RERE: variants seen among roughly 807,000 people sequenced by gnomAD.
RERE encodes arginine-glutamic acid dipeptide repeats, also known as arginine-glutamic acid dipeptide repeats protein.
In RERE, 40 loss-of-function variants were observed where a neutral mutation model predicts 146.1. That is an observed-to-expected ratio of 0.27 (90% CI 0.21 to 0.36). RERE has a LOEUF of 0.36. RERE is among the 10% of genes least tolerant of loss of function. The pLI is 1.00. For missense variants in RERE, 1,933 were observed against 2,138.7 expected (o/e 0.90, Z 1.90); for synonymous variants, 1,003 against 866.0 (o/e 1.16, Z -2.78).
chr1:8,369,565 G>C (rs1234542690), intron 12 of RERE, among the ~76,000 whole-genome samples: 3 of 146,590 alleles, frequency 2.0e-5, no homozygotes, highest in Non-Finnish European at 4.5e-5. Flanking sequence ...CAGGCAGGAA[G>C]GACTGTCCTC....
chr1:8,466,111 T>A, intron 10 of RERE, 88 bp from the exon 11 acceptor site: 1 of 1,088,538 alleles, frequency 9.2e-7, no homozygotes, highest in Non-Finnish European at 1.3e-6. Context: ...ATTGACTATC[T>A]CCCACAGAAG....
chr1:8,368,878 T>C (rs569501424), intron 12 of RERE, among the ~76,000 whole-genome samples: 18 of 148,432 alleles, frequency 1.2e-4, no homozygotes, highest in African/African-American at 4.5e-4. Flanking sequence ...CTGGGCAACA[T>C]AGTGAGATTT....
intron 11 of RERE, among the ~76,000 whole-genome samples, chr1:8,447,257 G>T (rs1644334570): frequency 1.3e-5 from 2 of 151,710 alleles, no homozygotes; most frequent in South Asian, 2.1e-4. Flanking sequence ...TTAGCTCGGA[G>T]GAGTTTGTTA....
rs542649011 is a variant in RERE at position 8,443,505 on chromosome 1, A to C, written c.1204-20698T>G. 5.9e-5 allele frequency among the ~76,000 whole-genome samples: 9 copies of C among 152,148 alleles called. No homozygotes were observed. The East Asian group carries it at 1.7e-3, about 29-fold the overall frequency. On this transcript the variant is annotated intron_variant, in intron 11 of 22. Transcript: ENST00000400908. ...GAAAGAAAAGCTTTCTCAGGAGAGA[A>C]ATTCAGGCAGGCTGTAAAGCAATCA...
intron 7 of RERE, among the ~76,000 whole-genome samples, chr1:8,527,662 T>A (rs942600402): frequency 1.3e-5 from 2 of 152,206 alleles, no homozygotes; most frequent in African/African-American, 4.8e-5. Flanking sequence ...GGCCTTCCCC[T>A]GTGATAATGG....
chr1:8,645,024 C>T (rs1159438114), intron 2 of RERE, among the ~76,000 whole-genome samples: 6 of 152,188 alleles, frequency 3.9e-5, no homozygotes, highest in African/African-American at 1.4e-4. Flanking sequence ...TACCATTTTA[C>T]AAACCAGCTG....
At position 8,686,624 on chromosome 1, in the gene RERE, C is replaced by T. The variant is rs559997255; in HGVS notation, c.-144-30183G>A. Among the ~76,000 whole-genome samples the T allele has an allele frequency of 5.3e-5, 8 of 152,246 alleles. No homozygotes were observed. The East Asian group carries it at 1.5e-3, about 29-fold the overall frequency. On this transcript the variant is annotated intron_variant, in intron 1 of 22. Coordinates refer to ENST00000400908, the MANE Select transcript of RERE (RefSeq NM_001042681.2). Reference sequence around the variant, plus strand: ...AATTAGCTGGGTGTGGTGGTGGGTGCCTGTAATCTCAGCTACTTGGGAGGC... The same window carrying T: ...AATTAGCTGGGTGTGGTGGTGGGTGTCTGTAATCTCAGCTACTTGGGAGGC...
intron 8 of RERE, among the ~76,000 whole-genome samples, chr1:8,500,233 G>C (rs1645111929): frequency 6.6e-6 from 1 of 152,182 alleles, no homozygotes; most frequent in African/African-American, 2.4e-5. Flanking sequence ...GTACAGTACT[G>C]GGTACAGCAG....
In RERE at chr1:8,497,520, G is replaced by T; in HGVS notation, c.889C>A (p.Pro297Thr). 1 of 1,614,152 alleles carries T rather than the reference G, an allele frequency of 6.2e-7. No individual in the cohort carries two copies. Among genetic ancestry groups the T allele is most frequent in the Admixed American group, 1.7e-5 (1 of 60,022 alleles). Residue 297 changes from proline to threonine, a missense_variant, in exon 9 of 23, where the codon CCA becomes ACA. Physicochemically the swap from Pro to Thr is conservative, Grantham distance 38. This residue lies in a region of RERE where 260 missense variants were observed against 378.4 expected (regional missense o/e 0.69). Coordinates refer to ENST00000400908, the MANE Select transcript of RERE (RefSeq NM_001042681.2). ...RVGPSHQAKLPDLQPFPSPDG... is the reference protein window; with the variant it reads ...RVGPSHQAKLTDLQPFPSPDG... ...GGAGAAGGAAATGGTTGCAGATCTG[G>T]AAGTTTGGCCTGTAAGACAGGGATG...
rs1243875587 is a variant in RERE at position 8,541,206 on chromosome 1, T to A, written c.830+8A>T. 6.9e-7 allele frequency: 1 copy of A among 1,445,694 alleles called. No homozygotes were observed. The highest frequency in any genetic ancestry group is 9.7e-7 in the Non-Finnish European group (1 of 1,031,640). The allele number at this position is 1,445,694 out of a possible 1,614,324, so 89.6% of individuals were successfully genotyped here. A position where few individuals can be genotyped will look rare whatever the true frequency, so the allele number is the denominator to read the frequency against. On this transcript the variant is annotated splice_region_variant and intron_variant, in intron 7 of 22. Coordinates refer to ENST00000400908, the MANE Select transcript of RERE (RefSeq NM_001042681.2). ...TTCTCAATGAATGGACACAAGTGAC[T>A]CACTTACCTTGTCTCAGGGTTATAT...
chr1:8,731,267 G>C lies in RERE; in HGVS notation c.-144-74826C>G, dbSNP rs1640073325. Among the ~76,000 whole-genome samples the C allele has an allele frequency of 3.3e-5, 5 of 152,110 alleles. No individual in the cohort carries two copies. In the South Asian group the frequency reaches 1.0e-3, roughly 32 times the overall value. ...CAGGAGCCTGAACAGGTTCTTACAA[G>C]AACATCAAAGAAAAAAATCCCCTCG... is the stretch of plus-strand genomic sequence containing the variant. On this transcript the variant is annotated intron_variant, in intron 1 of 22. Coordinates refer to ENST00000400908, the MANE Select transcript of RERE (RefSeq NM_001042681.2).
At chr1:8,552,223 A>G (rs1246410777) in intron 6 of RERE, among the ~76,000 whole-genome samples, 3 of 152,328 alleles carry the variant, frequency 2.0e-5, no homozygotes, top group South Asian at 2.1e-4. Flanking sequence ...GCTAAAGGAT[A>G]AAGCTCTCTC....
At chr1:8,357,693 G>A (rs989044380) in intron 20 of RERE, among the ~76,000 whole-genome samples, 1 of 152,236 alleles carries the variant, frequency 6.6e-6, no homozygotes, top group Non-Finnish European at 1.5e-5. Flanking sequence ...CCTACTTCCA[G>A]GGTGGACAGG....
At chr1:8,720,721 A>G (rs957369651) in intron 1 of RERE, among the ~76,000 whole-genome samples, 11 of 152,220 alleles carry the variant, frequency 7.2e-5, no homozygotes, top group African/African-American at 2.7e-4. Flanking sequence ...CACACATCCC[A>G]AAATACGTTA....
At chr1:8,485,212 T>C (rs950659080) in intron 10 of RERE, among the ~76,000 whole-genome samples, 4 of 151,984 alleles carry the variant, frequency 2.6e-5, no homozygotes, top group African/African-American at 9.7e-5. Flanking sequence ...GAATACAAAA[T>C]TCACTGGACG....
At chr1:8,667,393 G>A (rs930397589) in intron 1 of RERE, among the ~76,000 whole-genome samples, 19 of 152,108 alleles carry the variant, frequency 1.2e-4, no homozygotes, top group Non-Finnish European at 2.1e-4. Context: ...ACACAAACTC[G>A]GCTAGGTGTG....
At chr1:8,403,726 C>T (rs2124444868) in intron 12 of RERE, among the ~76,000 whole-genome samples, 1 of 151,844 alleles carries the variant, frequency 6.6e-6, no homozygotes, top group African/African-American at 2.4e-5. Flanking sequence ...ATTTTTTCCT[C>T]CCATTTCATT....
At chr1:8,463,361 T>C (rs778093979) in intron 11 of RERE, among the ~76,000 whole-genome samples, 1 of 152,152 alleles carries the variant, frequency 6.6e-6, no homozygotes, top group Non-Finnish European at 1.5e-5. Context: ...TACGGATGTA[T>C]ACAGTTAAGG....
chr1:8,698,865 CTTA>C (rs1406957583), intron 1 of RERE, among the ~76,000 whole-genome samples: 1 of 151,996 alleles, frequency 6.6e-6, no homozygotes, highest in Non-Finnish European at 1.5e-5. Context: ...CCATTATATT[CTTA>C]TTATCTTAAC....
Sources: allele counts gnomAD v4.1 joint callset (sites outside exome capture counted in the v4.1 genomes callset), GRCh38; gene constraint gnomAD v4.1.1; regional missense constraint gnomAD v4.1.1; transcripts MANE v1.5; gene names NCBI Gene and HGNC (gene_info 2026-07-23, HGNC 2026-07-21).